Variants in FIGN observed in about 807,000 individuals in gnomAD.
The protein encoded by FIGN is fidgetin, microtubule severing factor, also known as fidgetin.
Under a neutral mutation model 51.3 loss-of-function variants are expected in FIGN, and 11 were observed. The observed-to-expected ratio is 0.21, with a 90% CI of 0.13 to 0.35. FIGN has a LOEUF of 0.35. FIGN is among the 10% of genes least tolerant of loss of function. The pLI, the probability that FIGN is intolerant of heterozygous loss-of-function variation, is 1.00. For missense variants in FIGN, 857 were observed against 943.6 expected (o/e 0.91, Z 1.20); for synonymous variants, 407 against 363.2 (o/e 1.12, Z -1.37).
chr2:163,712,619 G>C (rs1283448418), intron 2 of FIGN, among the ~76,000 whole-genome samples: 1 of 152,018 alleles, frequency 6.6e-6, no homozygotes, highest in Non-Finnish European at 1.5e-5. Context: ...AAAAACCGCT[G>C]AGTTCAAATG....
In FIGN at chr2:163,610,249, C is replaced by G; in HGVS notation, c.1583G>C (p.Arg528Pro). ...GCCCAATAATGTTTTGCCTGTCCCC[C>G]GAGGTCCAAATAAAAGGATGCTCCG... Reference protein sequence around the residue: ...LPRSILLFGPRGTGKTLLGRC... With the variant: ...LPRSILLFGPPGTGKTLLGRC... The change falls in exon 3 of 3, where the codon CGG becomes CCG. Residue 528 changes from arginine (R) to proline (P), a missense_variant. Transcript: ENST00000333129. 6.2e-7 allele frequency: 1 copy of G among 1,614,104 alleles called. No individual in the cohort carries two copies. The highest frequency in any genetic ancestry group is 8.5e-7 in the Non-Finnish European group (1 of 1,180,020).
At chr2:163,725,766 CATTT>C (rs1422086772) in intron 2 of FIGN, among the ~76,000 whole-genome samples, 1 of 152,030 alleles carries the variant, frequency 6.6e-6, no homozygotes, top group Non-Finnish European at 1.5e-5. Context: ...TGTATATGCT[CATTT>C]AGAGGCTTAT....
chr2:163,610,032 A>G lies in FIGN; in HGVS notation c.1800T>C (p.Ser600=), dbSNP rs1691201468. 1 of 1,613,964 alleles carries G rather than the reference A, an allele frequency of 6.2e-7. No homozygotes were observed. Among genetic ancestry groups the G allele is most frequent in the Admixed American group, 1.7e-5 (1 of 59,992 alleles). ...LLSSQVNEEH[S]PVSRMRTEFL... is the part of the protein sequence containing the mutation. The stretch of plus-strand genomic sequence containing the variant: ...ATTCGGTTCTCATCCGACTGACTGG[A>G]CTATGTTCCTCATTCACTTGAGAGG... The change falls in exon 3 of 3, where the codon AGT becomes AGC. Residue 600 remains serine, a synonymous_variant. Coordinates refer to ENST00000333129, the MANE Select transcript of FIGN (RefSeq NM_018086.4).
At chr2:163,725,702 CAAAAT>C (rs1684828404) in intron 2 of FIGN, among the ~76,000 whole-genome samples, 1 of 151,550 alleles carries the variant, frequency 6.6e-6, no homozygotes, top group Admixed American at 6.6e-5. Context: ...TATGCTAAAA[CAAAAT>C]AAAACAAGAC....
intron 2 of FIGN, among the ~76,000 whole-genome samples, chr2:163,721,849 T>C (rs894013926): frequency 2.6e-5 from 4 of 152,186 alleles, no homozygotes; most frequent in African/African-American, 7.2e-5. Context: ...AGAGTCTTTG[T>C]TTTTTTCTGG....
intron 2 of FIGN, among the ~76,000 whole-genome samples, chr2:163,624,361 A>G (rs572352286): frequency 1.3e-3 from 191 of 152,094 alleles, no homozygotes; most frequent in Admixed American, 2.1e-3. Context: ...TCCACAAACC[A>G]AATAGGAATG....
intron 2 of FIGN, among the ~76,000 whole-genome samples, chr2:163,707,288 G>C (rs1684515261): frequency 6.6e-6 from 1 of 151,840 alleles, no homozygotes; most frequent in South Asian, 2.1e-4. Context: ...GGTGGAGGTT[G>C]CACCTTGCAG....
intron 2 of FIGN, among the ~76,000 whole-genome samples, chr2:163,701,961 G>A (rs776273751): frequency 4.6e-5 from 7 of 151,978 alleles, no homozygotes; most frequent in African/African-American, 1.2e-4. Flanking sequence ...TTGCAACCTC[G>A]CCCCCAGCTC....
chr2:163,728,662 A>C (rs756331940), intron 2 of FIGN, among the ~76,000 whole-genome samples: 6 of 152,248 alleles, frequency 3.9e-5, no homozygotes, highest in South Asian at 2.1e-4. Flanking sequence ...GTCAGTCTCC[A>C]ATAGGAAACC....
chr2:163,702,322 C>G (rs1434538233), intron 2 of FIGN, among the ~76,000 whole-genome samples: 2 of 152,154 alleles, frequency 1.3e-5, no homozygotes, highest in Admixed American at 6.6e-5. Context: ...ATATAAAGAA[C>G]TACAGATTAC....
At chr2:163,695,407 C>T (rs985228400) in intron 2 of FIGN, among the ~76,000 whole-genome samples, 1 of 152,172 alleles carries the variant, frequency 6.6e-6, no homozygotes, top group Non-Finnish European at 1.5e-5. Flanking sequence ...CCTCTCCCCA[C>T]CTTCTCTTAT....
chr2:163,668,922 C>T (rs902806348), intron 2 of FIGN, among the ~76,000 whole-genome samples: 9 of 150,596 alleles, frequency 6.0e-5, no homozygotes, highest in African/African-American at 2.2e-4. Context: ...GCCTGGGTGA[C>T]AGAGTGAGAC....
At chr2:163,621,608 C>T (rs1682973509) in intron 2 of FIGN, among the ~76,000 whole-genome samples, 1 of 152,090 alleles carries the variant, frequency 6.6e-6, no homozygotes. Context: ...GCAGTAGTTT[C>T]CTCACCTCTT....
intron 2 of FIGN, among the ~76,000 whole-genome samples, chr2:163,715,600 A>T: frequency 6.6e-6 from 1 of 152,210 alleles, no homozygotes; most frequent in East Asian, 1.9e-4. Context: ...AATGGAAGAC[A>T]GAGGAAAGAG....
intron 2 of FIGN, among the ~76,000 whole-genome samples, chr2:163,623,756 G>T (rs112776020): frequency 1.3e-3 from 195 of 152,166 alleles, no homozygotes; most frequent in African/African-American, 4.5e-3. Flanking sequence ...TAGCTAACTT[G>T]TGAAGATTTT....
At chr2:163,659,531 A>G (rs182993517) in intron 2 of FIGN, among the ~76,000 whole-genome samples, 3 of 152,324 alleles carry the variant, frequency 2.0e-5, no homozygotes, top group Admixed American at 2.0e-4. Flanking sequence ...GATTATCCCT[A>G]GATATTGAAT....
At chr2:163,655,198 C>T (rs1317600671) in intron 2 of FIGN, among the ~76,000 whole-genome samples, 4 of 152,100 alleles carry the variant, frequency 2.6e-5, no homozygotes, top group Non-Finnish European at 4.4e-5. Flanking sequence ...CTTGACAAAC[C>T]GTTTGACTTT....
intron 2 of FIGN, among the ~76,000 whole-genome samples, chr2:163,724,774 A>G (rs1286338202): frequency 1.3e-5 from 2 of 152,032 alleles, no homozygotes; most frequent in Non-Finnish European, 2.9e-5. Flanking sequence ...AGAGAATAAA[A>G]GAGTCTGAGA....
rs1448260418 is a variant in FIGN at position 163,701,424 on chromosome 2, G to C, written c.25+33479C>G. On this transcript the variant is annotated intron_variant, in intron 2 of 2. Coordinates refer to ENST00000333129, the MANE Select transcript of FIGN (RefSeq NM_018086.4). ...TTCAAAGCATAATCTGGACACAGGAGGGCCCAAACACACACTGCAACTACC... is the reference window on the plus strand; with the variant it reads ...TTCAAAGCATAATCTGGACACAGGACGGCCCAAACACACACTGCAACTACC... Among the ~76,000 whole-genome samples the C allele has an allele frequency of 7.9e-5, 12 of 152,190 alleles. No homozygotes were observed. In the East Asian group the frequency reaches 2.1e-3, roughly 27 times the overall value.
Sources: gnomAD v4.1 joint callset for allele counts (sites outside exome capture counted in the v4.1 genomes callset) on GRCh38, gnomAD v4.1.1 for gene constraint, MANE v1.5 for transcripts, NCBI Gene and HGNC (gene_info 2026-07-23, HGNC 2026-07-21) for gene names.